The following FAM120B variants were observed in gnomAD, a reference collection of about 807,000 sequenced individuals.
FAM120B encodes constitutive coactivator of peroxisome proliferator-activated receptor gamma.
Under a neutral mutation model 96.3 loss-of-function variants are expected in FAM120B, and 83 were observed. That is an observed-to-expected ratio of 0.86 (90% CI 0.72 to 1.03). FAM120B has a LOEUF of 1.03. Among genes scored for constraint, FAM120B ranks in the 50% least tolerant of loss-of-function variants. The probability of loss-of-function intolerance (pLI) is 0.00; values close to 1 mark genes in which losing one functional copy is unlikely to be tolerated. For synonymous variants in FAM120B, 407 were observed against 402.7 expected (o/e 1.01, Z -0.13); for missense variants, 1,027 against 1,121.2 (o/e 0.92, Z 1.20).
At chr6:170,385,036 A>G (rs2144248) in intron 6 of FAM120B, among the ~76,000 whole-genome samples, 98,581 of 152,032 alleles carry the variant, frequency 0.65, 32,038 homozygotes, top group Admixed American at 0.69. Context: ...AAAGCTATAG[A>G]GTAAACACTT....
intron 9 of FAM120B, among the ~76,000 whole-genome samples, chr6:170,400,383 A>T (rs190349009): frequency 2.6e-5 from 4 of 152,082 alleles, no homozygotes; most frequent in African/African-American, 9.7e-5. Flanking sequence ...GTGGAGTGGG[A>T]CCTGTTTGGT....
Position 170,391,039 on chromosome 6 carries a change from C to T in FAM120B, c.2517C>T (p.Asn839=), listed in dbSNP as rs1790453507. 1 of 1,614,026 alleles carries T rather than the reference C, an allele frequency of 6.2e-7. No individual in the cohort carries two copies. Among genetic ancestry groups the T allele is most frequent in the Non-Finnish European group, 8.5e-7 (1 of 1,180,046 alleles). Residue 839 remains asparagine (N), a synonymous_variant, in exon 8 of 11, where the codon AAC becomes AAT. Transcript: ENST00000476287. ...QNRSRLTKFH[N]LKAVVCKACM... The stretch of plus-strand genomic sequence containing the variant: ...GATCTCGGCTCACCAAATTCCACAA[C>T]CTGAAGGCAGTCGTCTGCAAGGCCT...
intron 5 of FAM120B, among the ~76,000 whole-genome samples, chr6:170,354,069 C>G (rs142875826): frequency 3.5e-4 from 54 of 152,304 alleles, no homozygotes; most frequent in African/African-American, 1.3e-3. Flanking sequence ...CATACAAGAA[C>G]AGAAACATAG....
rs1783973686 is a variant in FAM120B at position 170,295,423 on chromosome 6, C to T, written c.18C>T (p.Gly6=). 5 of 701,890 alleles carry T rather than the reference C, an allele frequency of 7.1e-6. No homozygotes were observed. The highest frequency in any genetic ancestry group is 2.3e-4 in the Middle Eastern group (1 of 4,362). The allele number at this position is 701,890 out of a possible 1,614,324, so 43.5% of individuals were successfully genotyped here. ...TCTGGTTTATGTTTGGACCTCGAGG[C>T]TCCACCAGCGCTGGCGCAGGCAGGA... Residue 6 remains glycine (G), a synonymous_variant, in exon 1 of 11, where the codon GGC becomes GGT. Transcript: ENST00000537664. This position sits in a 1 kb window ranked among gnomAD's most constrained non-coding sequence, Gnocchi z 7.8.
At chr6:170,309,642 C>A (rs1784478984) in intron 1 of FAM120B, among the ~76,000 whole-genome samples, 1 of 152,128 alleles carries the variant, frequency 6.6e-6, no homozygotes, top group South Asian at 2.1e-4. Context: ...TAATACTGTT[C>A]CTATTAGGAC....
rs1007348248 is a variant in FAM120B at position 170,333,536 on chromosome 6, G to A, written c.2017+2986G>A. Among the ~76,000 whole-genome samples the A allele has an allele frequency of 3.3e-4, 18 of 54,794 alleles. 1 individual carries two copies. The South Asian group carries it at 0.01, about 31-fold the overall frequency. The allele number at this position is 54,794 out of a possible 152,430, so 35.9% of individuals were successfully genotyped here. A position where few individuals can be genotyped will look rare whatever the true frequency, so the allele number is the denominator to read the frequency against. ...CCTCATCTTTTTTTTTTTTTTTTTTGAGACAGAGTCTCACTCTGTCGCCCA... is the reference window on the plus strand; with the variant it reads ...CCTCATCTTTTTTTTTTTTTTTTTTAAGACAGAGTCTCACTCTGTCGCCCA... On this transcript the variant is annotated intron_variant, in intron 4 of 10. Coordinates refer to ENST00000476287, the MANE Select transcript of FAM120B (RefSeq NM_032448.3).
At chr6:170,375,151 T>C (rs1789431609) in intron 6 of FAM120B, among the ~76,000 whole-genome samples, 1 of 152,216 alleles carries the variant, frequency 6.6e-6, no homozygotes, top group Non-Finnish European at 1.5e-5. Context: ...GTTAAAGTGT[T>C]CATATGAAGT....
At position 170,359,046 on chromosome 6, in the gene FAM120B, G is replaced by A. The variant is rs538696405; in HGVS notation, c.2283+728G>A. Among the ~76,000 whole-genome samples, 12 of 152,128 alleles carry A rather than the reference G, an allele frequency of 7.9e-5. No individual in the cohort carries two copies. The South Asian group carries it at 2.1e-3, about 26-fold the overall frequency. ...CCATAGCTGTAGTTTAGTTGCATTC[G>A]TTTTACTTGTTTTTCTAATGGAAAA... On this transcript the variant is annotated intron_variant, in intron 6 of 10. Transcript: ENST00000476287.
chr6:170,365,682 C>T (rs1052565919), intron 6 of FAM120B, among the ~76,000 whole-genome samples: 5 of 152,058 alleles, frequency 3.3e-5, no homozygotes, highest in African/African-American at 9.7e-5. Context: ...GGCATGAGCA[C>T]GGGCCTCCTG....
At position 170,391,030 on chromosome 6, in the gene FAM120B, A is replaced by C. The variant is rs961249844; in HGVS notation, c.2508A>C (p.Lys836Asn). The C allele has an allele frequency of 6.2e-6, 10 of 1,614,022 alleles. No individual in the cohort carries two copies. The highest frequency in any genetic ancestry group is 8.5e-6 in the Non-Finnish European group (10 of 1,180,038). ...GTTTGCAGAGATCTCGGCTCACCAAATTCCACAACCTGAAGGCAGTCGTCT... is the reference window on the plus strand; with the variant it reads ...GTTTGCAGAGATCTCGGCTCACCAACTTCCACAACCTGAAGGCAGTCGTCT... Reference protein sequence around the residue: ...LLEQNRSRLTKFHNLKAVVCK... With the variant: ...LLEQNRSRLTNFHNLKAVVCK... Residue 836 changes from lysine (K) to asparagine (N), a missense_variant, in exon 8 of 11, where the codon AAA (lysine) becomes AAC (asparagine). Coordinates refer to ENST00000476287, the MANE Select transcript of FAM120B (RefSeq NM_032448.3).
At chr6:170,385,863 C>T (rs1193256052) in intron 6 of FAM120B, among the ~76,000 whole-genome samples, 1 of 152,154 alleles carries the variant, frequency 6.6e-6, no homozygotes, top group Non-Finnish European at 1.5e-5. Context: ...TACTAAGTGA[C>T]AGAAGCCAAT....
intron 4 of FAM120B, among the ~76,000 whole-genome samples, chr6:170,342,058 G>GA (rs1301038866): frequency 1.3e-5 from 2 of 152,242 alleles, no homozygotes; most frequent in Admixed American, 1.3e-4. Flanking sequence ...TCCCAAAACT[G>GA]AAGACCTTGG....
At chr6:170,327,097 A>AG (rs1785639434) in intron 3 of FAM120B, among the ~76,000 whole-genome samples, 1 of 151,698 alleles carries the variant, frequency 6.6e-6, no homozygotes, top group Admixed American at 6.6e-5. Flanking sequence ...CCCAGGCTGG[A>AG]GGGCAGTAGC....
chr6:170,360,791 G>A (rs1788305261), intron 6 of FAM120B, among the ~76,000 whole-genome samples: 1 of 152,130 alleles, frequency 6.6e-6, no homozygotes, highest in Non-Finnish European at 1.5e-5. Flanking sequence ...ACTAAGAACA[G>A]AAAGTGAGTT....
At chr6:170,346,199 G>A (rs1004927312) in intron 4 of FAM120B, among the ~76,000 whole-genome samples, 5 of 147,118 alleles carry the variant, frequency 3.4e-5, no homozygotes, top group African/African-American at 1.2e-4. Context: ...TTTTTTTTTT[G>A]TATTAAATTT....
intron 4 of FAM120B, chr6:170,330,814 G>C: frequency 4.5e-6 from 2 of 442,018 alleles, no homozygotes; most frequent in Non-Finnish European, 8.2e-6. Flanking sequence ...CCACAGCAGT[G>C]GAGAGAGAAA....
At chr6:170,378,791 A>G (rs1323988824) in intron 6 of FAM120B, among the ~76,000 whole-genome samples, 3 of 152,180 alleles carry the variant, frequency 2.0e-5, no homozygotes, top group Non-Finnish European at 2.9e-5. Context: ...CTGAGCCCCG[A>G]GCTTCCGGTT....
chr6:170,322,978 C>G, intron 2 of FAM120B, 101 bp from the exon 3 acceptor site: 1 of 968,570 alleles, frequency 1.0e-6, no homozygotes, highest in Non-Finnish European at 1.5e-6. Flanking sequence ...TTCTGAGGGC[C>G]TTAAAAAACT....
At chr6:170,397,481 G>A (rs907554174) in intron 9 of FAM120B, among the ~76,000 whole-genome samples, 3 of 152,116 alleles carry the variant, frequency 2.0e-5, no homozygotes, top group African/African-American at 7.2e-5. Context: ...TAGACTTGGA[G>A]GGCCCTGCAG....
Sources: allele counts gnomAD v4.1 joint callset (sites outside exome capture counted in the v4.1 genomes callset), GRCh38; gene constraint gnomAD v4.1.1; non-coding constraint Gnocchi (gnomAD v3.1); transcripts MANE v1.5; gene names NCBI Gene and HGNC (gene_info 2026-07-23, HGNC 2026-07-21).